MAP3K8: variants seen among roughly 807,000 people sequenced by gnomAD.
The protein encoded by MAP3K8 is mitogen-activated protein kinase kinase kinase 8.
MAP3K8 carries 22 observed loss-of-function variants against 45.8 expected under a neutral mutation model. The ratio of observed to expected loss-of-function variants is 0.48; its 90% CI spans 0.34 to 0.69. The LOEUF (loss-of-function observed/expected upper bound fraction) is 0.69. Among genes scored for constraint, MAP3K8 ranks in the 30% least tolerant of loss-of-function variants. The pLI is 0.01. For synonymous variants in MAP3K8, 223 were observed against 214.3 expected (o/e 1.04, Z -0.36); for missense variants, 419 against 585.0 (o/e 0.72, Z 2.93).
intron 3 of MAP3K8, among the ~76,000 whole-genome samples, chr10:30,442,925 A>G (rs1301710366): frequency 6.6e-6 from 1 of 152,110 alleles, no homozygotes; most frequent in African/African-American, 2.4e-5. Context: ...CATCATCTCC[A>G]ATAATTGGTA....
intron 2 of MAP3K8, among the ~76,000 whole-genome samples, chr10:30,437,866 G>A (rs928736202): frequency 5.3e-5 from 8 of 152,164 alleles, no homozygotes; most frequent in East Asian, 1.9e-4. Context: ...GAGTGCAATC[G>A]GTGATTTAAG....
intron 6 of MAP3K8, among the ~76,000 whole-genome samples, chr10:30,456,151 T>C (rs759729096): frequency 6.6e-6 from 1 of 152,234 alleles, no homozygotes; most frequent in Non-Finnish European, 1.5e-5. Context: ...GCATCCTCTA[T>C]GGACAGTTAA....
intron 3 of MAP3K8, among the ~76,000 whole-genome samples, chr10:30,439,984 A>C (rs767362468): frequency 6.6e-6 from 1 of 152,206 alleles, no homozygotes; most frequent in Non-Finnish European, 1.5e-5. Flanking sequence ...ACATCTTGAA[A>C]TGTTATTAAT....
chr10:30,438,376 T>C (rs1835981054), intron 2 of MAP3K8, among the ~76,000 whole-genome samples: 1 of 152,190 alleles, frequency 6.6e-6, no homozygotes, highest in African/African-American at 2.4e-5. Flanking sequence ...TTTGTGTAGA[T>C]TGAAATCCAT....
chr10:30,434,926 G>T (rs1229862990), intron 1 of MAP3K8, among the ~76,000 whole-genome samples: 1 of 152,236 alleles, frequency 6.6e-6, no homozygotes, highest in Non-Finnish European at 1.5e-5. Context: ...TTGTAACCCG[G>T]ACTCTATCCC....
chr10:30,448,013 T>G, intron 4 of MAP3K8, 64 bp downstream of exon 4: 1 of 1,441,822 alleles, frequency 6.9e-7, no homozygotes. Context: ...TGTTTTTTTG[T>G]CCATTTGCAT....
In MAP3K8 at chr10:30,438,912, C is replaced by G; in HGVS notation, c.-23-4C>G. The stretch of plus-strand genomic sequence containing the variant: ...AAACTAAATATTTGTGTTTTCTTTC[C>G]TAGACTCTCCAGAAAGAGCAACAGT... On this transcript the variant is annotated splice_region_variant and splice_polypyrimidine_tract_variant and intron_variant, in intron 2 of 8. Transcript: ENST00000263056. 6.6e-7 allele frequency: 1 copy of G among 1,504,664 alleles called. No individual in the cohort carries two copies. The highest frequency in any genetic ancestry group is 9.1e-7 in the Non-Finnish European group (1 of 1,098,614). 93.2% of individuals were successfully genotyped at this position (1,504,664 alleles called of 1,614,324 possible). A position where few individuals can be genotyped will look rare whatever the true frequency, so the allele number is the denominator to read the frequency against.
At chr10:30,448,147 T>C (rs1449080020) in intron 4 of MAP3K8, among the ~76,000 whole-genome samples, 198 bp downstream of exon 4, 3 of 152,148 alleles carry the variant, frequency 2.0e-5, no homozygotes, top group African/African-American at 4.8e-5. Flanking sequence ...TTTAGGTGCA[T>C]AGTTGATTTT....
chr10:30,444,583 G>T (rs1195092698), intron 3 of MAP3K8, among the ~76,000 whole-genome samples: 1 of 152,156 alleles, frequency 6.6e-6, no homozygotes, highest in East Asian at 1.9e-4. Flanking sequence ...GAAATTCAGG[G>T]CCCATCATGA....
intron 4 of MAP3K8, 131 bp downstream of exon 4, chr10:30,448,080 G>A (rs1836401451): frequency 1.3e-6 from 1 of 764,250 alleles, no homozygotes. Flanking sequence ...CTGCCTCAAA[G>A]CATTTGTTTT....
intron 7 of MAP3K8, 32 bp downstream of exon 7, chr10:30,458,268 C>CGGGGGGGGGGGGGGGG: frequency 9.8e-5 from 43 of 439,066 alleles, no homozygotes; most frequent in Non-Finnish European, 1.5e-4. Context: ...CTGGGGGCGG[C>CGGGGGGGGGGGGGGGG]GGGGGGGGGC....
chr10:30,451,625 C>A lies in MAP3K8; in HGVS notation c.767-13C>A. On this transcript the variant is annotated splice_polypyrimidine_tract_variant and intron_variant, in intron 5 of 8. Coordinates refer to ENST00000263056, the MANE Select transcript of MAP3K8 (RefSeq NM_005204.4). ...AAAAAATTTTATCTTAAAAATATTT[C>A]CTCTCATTTTAGCTAGCAACATTGT... 5 of 1,452,538 alleles carry A rather than the reference C, an allele frequency of 3.4e-6. No individual in the cohort carries two copies. The highest frequency in any genetic ancestry group is 2.8e-6 in the Non-Finnish European group (3 of 1,057,076). The allele number at this position is 1,452,538 out of a possible 1,614,324, so 90.0% of individuals were successfully genotyped here. A position where few individuals can be genotyped will look rare whatever the true frequency, so the allele number is the denominator to read the frequency against.
At chr10:30,439,580 T>C in intron 3 of MAP3K8, 1 of 485,466 alleles carries the variant, frequency 2.1e-6, no homozygotes, top group Middle Eastern at 5.5e-4. Context: ...GAGGCCGAGG[T>C]GGGTGGATCA....
At chr10:30,440,165 G>A (rs934563873) in intron 3 of MAP3K8, among the ~76,000 whole-genome samples, 1 of 152,238 alleles carries the variant, frequency 6.6e-6, no homozygotes, top group Non-Finnish European at 1.5e-5. Flanking sequence ...TAGATCAGGT[G>A]ATGTGTTTAG....
intron 6 of MAP3K8, among the ~76,000 whole-genome samples, chr10:30,453,928 G>GAAGGAAGGAAGGAAGA (rs1479685175): frequency 1.4e-5 from 2 of 146,064 alleles, no homozygotes; most frequent in African/African-American, 5.0e-5. Context: ...AGGAAGGAAG[G>GAAGGAAGGAAGGAAGA]AAGGAAGGAA....
Position 30,438,898 on chromosome 10 carries a change from T to A in MAP3K8, c.-23-18T>A, listed in dbSNP as rs1836000100. On this transcript the variant is annotated intron_variant, in intron 2 of 8. Coordinates refer to ENST00000263056, the MANE Select transcript of MAP3K8 (RefSeq NM_005204.4). ...AATACAAATATCGTAAACTAAATAT[T>A]TGTGTTTTCTTTCCTAGACTCTCCA... 1.5e-6 allele frequency: 2 copies of A among 1,341,412 alleles called. No homozygotes were observed. The highest frequency in any genetic ancestry group is 4.5e-5 in the Admixed American group (2 of 44,604). 83.1% of individuals were successfully genotyped at this position (1,341,412 alleles called of 1,614,324 possible). A position where few individuals can be genotyped will look rare whatever the true frequency, so the allele number is the denominator to read the frequency against.
chr10:30,450,601 A>G (rs1427539410), intron 5 of MAP3K8, 82 bp downstream of exon 5: 1 of 1,330,974 alleles, frequency 7.5e-7, no homozygotes, highest in Non-Finnish European at 1.1e-6. Flanking sequence ...CTGTAATCTG[A>G]AGACCCTCCA....
chr10:30,439,545 C>A, intron 3 of MAP3K8: 1 of 677,996 alleles, frequency 1.5e-6, no homozygotes, highest in Non-Finnish European at 2.4e-6. Flanking sequence ...TGCAGGGGCT[C>A]ACGCCTGTAA....
intron 3 of MAP3K8, among the ~76,000 whole-genome samples, chr10:30,446,823 C>T (rs377334293): frequency 6.6e-6 from 1 of 152,014 alleles, no homozygotes; most frequent in African/African-American, 2.4e-5. Context: ...TCCAATTTTA[C>T]GAGTTTTGAC....
Sources: gnomAD v4.1 joint callset for allele counts (sites outside exome capture counted in the v4.1 genomes callset) on GRCh38, gnomAD v4.1.1 for gene constraint, MANE v1.5 for transcripts, NCBI Gene and HGNC (gene_info 2026-07-23, HGNC 2026-07-21) for gene names.